Variants in NUP210L observed in about 807,000 individuals in gnomAD.
The protein encoded by NUP210L is nucleoporin 210 like, also known as nuclear pore membrane glycoprotein 210-like.
In NUP210L, 74 loss-of-function variants were observed where a neutral mutation model predicts 208.5. The observed-to-expected ratio is 0.35, with a 90% CI of 0.29 to 0.43. NUP210L has a LOEUF of 0.43. Ranked by LOEUF, NUP210L falls within the 20% of genes least tolerant of loss-of-function variation. The pLI is 1.00. For missense variants in NUP210L, 1,843 were observed against 2,289.4 expected (o/e 0.81, Z 3.98); for synonymous variants, 780 against 816.9 (o/e 0.95, Z 0.77).
chr1:154,027,172 C>T (rs1442853438), intron 29 of NUP210L, among the ~76,000 whole-genome samples: 1 of 150,842 alleles, frequency 6.6e-6, no homozygotes, highest in Non-Finnish European at 1.5e-5. Context: ...TTCAGGATAG[C>T]TAATACCGTA....
chr1:154,144,981 G>A (rs889487926), intron 2 of NUP210L, among the ~76,000 whole-genome samples: 2 of 152,040 alleles, frequency 1.3e-5, no homozygotes, highest in African/African-American at 4.8e-5. Flanking sequence ...GGTGGTGCAC[G>A]CCTGTAGTCC....
intron 16 of NUP210L, among the ~76,000 whole-genome samples, chr1:154,081,508 T>C (rs1435614893): frequency 1.3e-5 from 2 of 152,098 alleles, no homozygotes; most frequent in African/African-American, 2.4e-5. Flanking sequence ...TGACTCAGGA[T>C]GGAGTTGGAT....
chr1:154,145,889 A>G (rs1038461566), intron 2 of NUP210L, among the ~76,000 whole-genome samples: 3 of 152,148 alleles, frequency 2.0e-5, no homozygotes, highest in African/African-American at 4.8e-5. Flanking sequence ...AGTAGCAACA[A>G]GCACACTGGC....
chr1:153,997,066 C>T (rs1649931074), intron 37 of NUP210L, among the ~76,000 whole-genome samples: 1 of 151,956 alleles, frequency 6.6e-6, no homozygotes, highest in Non-Finnish European at 1.5e-5. Flanking sequence ...CAGATTCAAG[C>T]AATTCTGCTG....
In NUP210L at chr1:154,094,963, C is replaced by T. The variant is rs766498367; in HGVS notation, c.2159G>A (p.Arg720Gln). Reference sequence around the variant, plus strand: ...TTCCCCTAAATCCAGGCATTGGATCCGGTAGATGTACTGGTTCTGTTTTCT... The same window carrying T: ...TTCCCCTAAATCCAGGCATTGGATCTGGTAGATGTACTGGTTCTGTTTTCT... The change falls in exon 15 of 40, where the codon CGG (arginine) becomes CAG (glutamine). Residue 720 changes from arginine to glutamine, a missense_variant. By Grantham distance (43) the Arg-to-Gln change is conservative (BLOSUM62 1). This residue lies in a region of NUP210L where 408 missense variants were observed against 600.8 expected (regional missense o/e 0.68). Transcript: ENST00000368559. 58 of 1,613,834 alleles carry T rather than the reference C, an allele frequency of 3.6e-5. No individual in the cohort carries two copies. Among genetic ancestry groups the T allele is most frequent in the Non-Finnish European group, 4.4e-5 (52 of 1,179,926 alleles).
chr1:154,108,785 AAGAT>A (rs1656900735), intron 12 of NUP210L, among the ~76,000 whole-genome samples: 1 of 151,746 alleles, frequency 6.6e-6, no homozygotes, highest in African/African-American at 2.4e-5. Flanking sequence ...CCAATCAAAA[AAGAT>A]AGAGTGACTG....
intron 2 of NUP210L, among the ~76,000 whole-genome samples, chr1:154,149,001 A>T (rs977350345): frequency 1.3e-5 from 2 of 152,054 alleles, no homozygotes; most frequent in Non-Finnish European, 2.9e-5. Flanking sequence ...TGGCAAACAC[A>T]AGCAGCTGTG....
intron 25 of NUP210L, among the ~76,000 whole-genome samples, chr1:154,049,114 G>A (rs2147976388): frequency 1.3e-5 from 2 of 152,260 alleles, no homozygotes; most frequent in South Asian, 4.1e-4. Flanking sequence ...CTACAGCACT[G>A]GCCATCTGTG....
chr1:153,995,537 CTTAGATTTCAA>C lies in NUP210L; in HGVS notation c.5387-368_5387-358del, dbSNP rs1649796967. 3.1e-6 allele frequency: 2 copies of C among 639,874 alleles called. 1 individual carries two copies. The highest frequency in any genetic ancestry group is 3.1e-5 in the South Asian group (2 of 65,344). 39.6% of individuals were successfully genotyped at this position (639,874 alleles called of 1,614,324 possible). ...ATTCTTGAGCTTGTTATTTCTTCCT[CTTAGATTTCAA>C]AGGATGCTTTAAATCCTCTGCTACT... On this transcript the variant is annotated intron_variant, in intron 37 of 39. Coordinates refer to ENST00000368559, the Ensembl canonical transcript of NUP210L.
chr1:154,067,340 A>G (rs1382370661), intron 17 of NUP210L, among the ~76,000 whole-genome samples: 1 of 152,236 alleles, frequency 6.6e-6, no homozygotes, highest in East Asian at 1.9e-4. Context: ...CAAAGACAAA[A>G]ACCACATGAT....
At chr1:154,010,530 C>G (rs564353983) in intron 34 of NUP210L, among the ~76,000 whole-genome samples, 2 of 152,024 alleles carry the variant, frequency 1.3e-5, no homozygotes, top group African/African-American at 4.8e-5. Context: ...TCTCCCACCA[C>G]GCCTGGCGTC....
intron 25 of NUP210L, among the ~76,000 whole-genome samples, chr1:154,047,239 C>G (rs768203477): frequency 6.6e-6 from 1 of 152,082 alleles, no homozygotes; most frequent in Non-Finnish European, 1.5e-5. Context: ...TTAAAAATAA[C>G]TAAAAGAGTA....
exon 36 of NUP210L, chr1:154,001,854 T>C: frequency 6.2e-7 from 1 of 1,614,170 alleles, no homozygotes. Flanking sequence ...GGAATGAGGA[T>C]TCGTTGCATT....
In NUP210L at chr1:154,018,987, C is replaced by T. The variant is rs200751304; in HGVS notation, c.4599G>A (p.Pro1533=). The T allele has an allele frequency of 1.4e-4, 227 of 1,613,958 alleles. 2 individuals carry two copies. The African/African-American group carries it at 2.5e-3, about 18-fold the overall frequency. Reference sequence around the variant, plus strand: ...TGTCATGAAAAATCATTGCAGTCCCCGGACTCCTGGCCACTCCTACTCCAG... The same window carrying T: ...TGTCATGAAAAATCATTGCAGTCCCTGGACTCCTGGCCACTCCTACTCCAG... The change falls in exon 33 of 40, where the codon CCG becomes CCA. Residue 1533 remains proline, a synonymous_variant. Transcript: ENST00000368559.
intron 3 of NUP210L, among the ~76,000 whole-genome samples, chr1:154,142,812 C>T (rs1342135709): frequency 1.3e-5 from 2 of 149,980 alleles, no homozygotes; most frequent in African/African-American, 2.5e-5. Flanking sequence ...TCGCCTGAAG[C>T]GGGAGGGCAG....
At chr1:154,101,536 A>G (rs1656470221) in intron 13 of NUP210L, among the ~76,000 whole-genome samples, 1 of 152,174 alleles carries the variant, frequency 6.6e-6, no homozygotes, top group Admixed American at 6.6e-5. Context: ...GGCCCTTTAT[A>G]TCAAGTTGAT....
At chr1:154,136,444 T>G (rs1341064502) in intron 6 of NUP210L, among the ~76,000 whole-genome samples, 1 of 151,284 alleles carries the variant, frequency 6.6e-6, no homozygotes, top group Admixed American at 6.6e-5. Flanking sequence ...AAAGCATAAC[T>G]CCGTCTCAAA....
intron 37 of NUP210L, chr1:153,996,101 G>C (rs1464448524): frequency 3.4e-6 from 1 of 290,616 alleles, no homozygotes; most frequent in Non-Finnish European, 6.8e-6. Context: ...GACCATCCTG[G>C]CTAACATGGT....
At chr1:154,015,677 G>A (rs1651196406) in intron 33 of NUP210L, among the ~76,000 whole-genome samples, 1 of 151,588 alleles carries the variant, frequency 6.6e-6, no homozygotes, top group Non-Finnish European at 1.5e-5. Context: ...CTGAGATTCC[G>A]CCACTACATT....
Sources: gnomAD v4.1 joint callset for allele counts (sites outside exome capture counted in the v4.1 genomes callset) on GRCh38, gnomAD v4.1.1 for gene constraint, gnomAD v4.1.1 regional missense constraint, MANE v1.5 for transcripts, NCBI Gene and HGNC (gene_info 2026-07-23, HGNC 2026-07-21) for gene names.